The following WWOX variants were observed in gnomAD, a reference collection of about 807,000 sequenced individuals.
The protein encoded by WWOX is WW domain containing oxidoreductase.
A neutral mutation model predicts 46.2 loss-of-function variants in WWOX; 69 were observed. That is an observed-to-expected ratio of 1.49 (90% CI 1.23 to 1.82). WWOX has a LOEUF of 1.82. WWOX is among the 40% of genes most tolerant of loss of function. The probability of loss-of-function intolerance (pLI) is 0.00; values close to 1 mark genes in which losing one functional copy is unlikely to be tolerated. For synonymous variants in WWOX, 359 were observed against 202.6 expected (o/e 1.77, Z -6.56); for missense variants, 919 against 542.6 (o/e 1.69, Z -6.89).
At chr16:78,420,263 A>G (rs149801691) in intron 6 of WWOX, among the ~76,000 whole-genome samples, 1,633 of 152,268 alleles carry the variant, frequency 0.011, 22 homozygotes, top group Middle Eastern at 0.058. Context: ...TCCCACTCCT[A>G]GATGTATCTT....
chr16:78,542,453 C>T (rs1316229333), intron 8 of WWOX, among the ~76,000 whole-genome samples: 2 of 152,056 alleles, frequency 1.3e-5, no homozygotes, highest in African/African-American at 4.8e-5. Context: ...TGAATTTGGT[C>T]CCAGATTTTT....
chr16:78,893,984 C>T (rs955400928), intron 8 of WWOX, among the ~76,000 whole-genome samples: 14 of 150,380 alleles, frequency 9.3e-5, no homozygotes, highest in Non-Finnish European at 1.6e-4. Context: ...ACCAGGTATC[C>T]CTGATTACCA....
chr16:78,581,777 A>G (rs1175404231), intron 8 of WWOX, among the ~76,000 whole-genome samples: 1 of 152,244 alleles, frequency 6.6e-6, no homozygotes, highest in East Asian at 1.9e-4. Flanking sequence ...TTTAGATGAC[A>G]GGACTTAATA....
At chr16:78,632,802 C>T (rs2046466531) in intron 8 of WWOX, among the ~76,000 whole-genome samples, 2 of 151,926 alleles carry the variant, frequency 1.3e-5, no homozygotes, top group South Asian at 2.1e-4. Context: ...AGGTGATCCA[C>T]CCGCCTCAGC....
At position 78,907,660 on chromosome 16, in the gene WWOX, T is replaced by A. The variant is rs114435960; in HGVS notation, c.1057-303948T>A. Among the ~76,000 whole-genome samples the A allele has an allele frequency of 6.1e-3, 927 of 152,340 alleles. 7 individuals are homozygous for A. Among genetic ancestry groups the A allele is most frequent in the African/African-American group, 0.022 (894 of 41,562 alleles). On this transcript the variant is annotated intron_variant, in intron 8 of 8. Coordinates refer to ENST00000566780, the MANE Select transcript of WWOX (RefSeq NM_016373.4). ...TCATAATTTTCTTACTCTTACAATT[T>A]TTGCAAAGGCAGTTTTAATAACTGC...
intron 8 of WWOX, chr16:79,101,497 T>G (rs2049192386): frequency 6.6e-6 from 1 of 152,200 alleles, no homozygotes; most frequent in South Asian, 2.1e-4. Flanking sequence ...GCCTACTCCC[T>G]ATTCCCATAT....
intron 1 of WWOX, among the ~76,000 whole-genome samples, chr16:78,101,756 C>A (rs1310470780): frequency 6.6e-6 from 1 of 152,184 alleles, no homozygotes; most frequent in South Asian, 2.1e-4. Flanking sequence ...GGAAAAACAA[C>A]CAAGTTCTGA....
chr16:79,175,704 C>G (rs1174217256), intron 8 of WWOX, among the ~76,000 whole-genome samples: 1 of 152,144 alleles, frequency 6.6e-6, no homozygotes, highest in African/African-American at 2.4e-5. Context: ...TGTGCCTGTT[C>G]TGTGTCCTGG....
At chr16:78,427,525 C>G (rs2083111852) in intron 7 of WWOX, among the ~76,000 whole-genome samples, 1 of 151,602 alleles carries the variant, frequency 6.6e-6, no homozygotes, top group Admixed American at 6.6e-5. Flanking sequence ...CACAAAATCA[C>G]ACATACACGC....
Position 78,760,089 on chromosome 16 carries a change from A to G in WWOX, c.1056+327337A>G, listed in dbSNP as rs146421106. 3.6e-3 allele frequency among the ~76,000 whole-genome samples: 549 copies of G among 152,314 alleles called. 6 individuals are homozygous for G. The highest frequency in any genetic ancestry group is 0.017 in the Middle Eastern group (5 of 294). ...AAAACTGGGTAATTTATCAACAAAAAGAGATTTGATGGACTCACAGTTCCA... is the reference window on the plus strand; with the variant it reads ...AAAACTGGGTAATTTATCAACAAAAGGAGATTTGATGGACTCACAGTTCCA... On this transcript the variant is annotated intron_variant, in intron 8 of 8. Coordinates refer to ENST00000566780, the MANE Select transcript of WWOX (RefSeq NM_016373.4).
intron 5 of WWOX, among the ~76,000 whole-genome samples, chr16:78,291,339 C>T (rs2079854009): frequency 6.6e-6 from 1 of 152,166 alleles, no homozygotes; most frequent in Admixed American, 6.5e-5. Context: ...GGCGGCCTTT[C>T]AGATAAACAG....
intron 8 of WWOX, among the ~76,000 whole-genome samples, chr16:78,841,952 G>T (rs770560271): frequency 6.6e-6 from 1 of 152,102 alleles, no homozygotes; most frequent in Non-Finnish European, 1.5e-5. Context: ...GACAGAGCTG[G>T]CAGACGTGTG....
At chr16:78,407,856 T>A (rs969160205) in intron 6 of WWOX, among the ~76,000 whole-genome samples, 1 of 152,234 alleles carries the variant, frequency 6.6e-6, no homozygotes, top group Non-Finnish European at 1.5e-5. Flanking sequence ...AACACGCACT[T>A]CCTATGGACA....
At chr16:79,192,374 C>A (rs2051154311) in intron 8 of WWOX, among the ~76,000 whole-genome samples, 1 of 152,184 alleles carries the variant, frequency 6.6e-6, no homozygotes, top group Non-Finnish European at 1.5e-5. Context: ...CATCACATGG[C>A]AACTCATCAC....
At chr16:78,497,161 G>T (rs935713681) in intron 8 of WWOX, among the ~76,000 whole-genome samples, 1 of 152,220 alleles carries the variant, frequency 6.6e-6, no homozygotes, top group African/African-American at 2.4e-5. Context: ...CTTGAGAGTG[G>T]TGGTGTTTGG....
In WWOX at chr16:78,929,315, A is replaced by G. The variant is rs556940971; in HGVS notation, c.1057-282293A>G. On this transcript the variant is annotated intron_variant, in intron 8 of 8. Transcript: ENST00000566780. ...CTTTTTTAAGAGCCTCAAGTGTCCA[A>G]TAAAAAGCAAATACTTGAATTTTCA... 5.3e-5 allele frequency among the ~76,000 whole-genome samples: 8 copies of G among 152,192 alleles called. No homozygotes were observed. In the South Asian group the frequency reaches 6.2e-4, roughly 12 times the overall value.
chr16:79,101,839 T>C (rs2049202645), intron 8 of WWOX: 3 of 151,404 alleles, frequency 2.0e-5, no homozygotes, highest in Admixed American at 2.0e-4. Flanking sequence ...GAAACGTGTT[T>C]TATGGCTGTG....
intron 8 of WWOX, among the ~76,000 whole-genome samples, chr16:78,508,405 A>G (rs1003211446): frequency 1.4e-5 from 2 of 141,290 alleles, no homozygotes; most frequent in Admixed American, 7.5e-5. Context: ...TTCTTCCTCC[A>G]CTGTGGCCCA....
intron 8 of WWOX, among the ~76,000 whole-genome samples, chr16:78,819,327 A>G (rs1259129863): frequency 6.6e-6 from 1 of 152,200 alleles, no homozygotes; most frequent in Non-Finnish European, 1.5e-5. Context: ...ATTGAGGACT[A>G]GCTAAAACAG....
Sources: gnomAD v4.1 joint callset for allele counts (sites outside exome capture counted in the v4.1 genomes callset) on GRCh38, gnomAD v4.1.1 for gene constraint, MANE v1.5 for transcripts, NCBI Gene and HGNC (gene_info 2026-07-23, HGNC 2026-07-21) for gene names.